The following ACAD10 variants were observed in gnomAD, a reference collection of about 807,000 sequenced individuals.
ACAD10 encodes the protein ACAD-10.
ACAD10 carries 112 observed loss-of-function variants against 116.8 expected under a neutral mutation model. The ratio of observed to expected loss-of-function variants is 0.96; its 90% confidence interval spans 0.82 to 1.12. The LOEUF is 1.12. Ranked by LOEUF, ACAD10 falls within the 50% of genes most tolerant of loss-of-function variation. The pLI, the probability that ACAD10 is intolerant of heterozygous loss-of-function variation, is 0.00. For synonymous variants in ACAD10, 486 were observed against 510.6 expected (o/e 0.95, Z 0.65); for missense variants, 1,259 against 1,350.2 (o/e 0.93, Z 1.06).
chr12:111,709,885 T>C, intron 5 of ACAD10: 1 of 605,230 alleles, frequency 1.7e-6, no homozygotes, highest in Non-Finnish European at 2.7e-6. Context: ...AAACAGGTAC[T>C]GCGAAGGCAG....
At chr12:111,738,779 G>A (rs1031581133) in intron 12 of ACAD10, among the ~76,000 whole-genome samples, 1 of 152,076 alleles carries the variant, frequency 6.6e-6, no homozygotes, top group African/African-American at 2.4e-5. Context: ...AGGCAGGAGA[G>A]AGAATCACTT....
chr12:111,718,209 C>G (rs1364059400), intron 7 of ACAD10, among the ~76,000 whole-genome samples: 1 of 151,850 alleles, frequency 6.6e-6, no homozygotes, highest in African/African-American at 2.4e-5. Flanking sequence ...GCCACCATGT[C>G]CAGCTAATTT....
At chr12:111,707,265 T>G (rs1051914155) in intron 4 of ACAD10, among the ~76,000 whole-genome samples, 9 of 150,094 alleles carry the variant, frequency 6.0e-5, no homozygotes, top group Non-Finnish European at 8.9e-5. Context: ...GTTTTTGTGT[T>G]TTTTATGAAT....
chr12:111,737,841 G>GGTGTGTGTGTGT (rs150399090), intron 12 of ACAD10, among the ~76,000 whole-genome samples: 1 of 146,396 alleles, frequency 6.8e-6, no homozygotes, highest in African/African-American at 2.5e-5. Flanking sequence ...CAAATTTCTT[G>GGTGTGTGTGTGT]GTGTGTGTGT....
chr12:111,699,490 G>A (rs1289663194), intron 2 of ACAD10, among the ~76,000 whole-genome samples: 2 of 151,930 alleles, frequency 1.3e-5, no homozygotes, highest in African/African-American at 4.8e-5. Context: ...GGTGTGGGGG[G>A]CATATACAAA....
chr12:111,730,716 C>A (rs1012099718), intron 10 of ACAD10, among the ~76,000 whole-genome samples: 14 of 151,686 alleles, frequency 9.2e-5, no homozygotes, highest in Non-Finnish European at 1.9e-4. Flanking sequence ...TTAAACAAGA[C>A]TAGACAGTGA....
rs957750690 is a variant in ACAD10, at chr12:111,748,410, C to T, written c.2579C>T (p.Pro860Leu). 3.7e-6 allele frequency: 6 copies of T among 1,614,092 alleles called. No individual in the cohort carries two copies. The highest frequency in any genetic ancestry group is 5.1e-6 in the Non-Finnish European group (6 of 1,180,034). The part of the protein sequence containing the change: ...RHRQQSVLLV[P>L]MDTPGIKIIR... ...CGGCAGCAGTCTGTGCTCTTGGTTCCCATGGATACCCCAGGGATAAAAATC... is the reference window on the plus strand; with the variant it reads ...CGGCAGCAGTCTGTGCTCTTGGTTCTCATGGATACCCCAGGGATAAAAATC... Residue 860 changes from proline (P) to leucine (L), a missense_variant, in exon 17 of 21, where the codon CCC (proline) becomes CTC (leucine). By Grantham distance (98) the Pro-to-Leu change is moderately conservative (BLOSUM62 -3). Transcript: ENST00000313698.
At chr12:111,695,436 T>G (rs111532343) in intron 2 of ACAD10, among the ~76,000 whole-genome samples, 7 of 152,302 alleles carry the variant, frequency 4.6e-5, no homozygotes, top group South Asian at 2.1e-4. Flanking sequence ...TGTTCCTGGA[T>G]AGCCAATTCC....
At chr12:111,743,809 C>T (rs1012350616) in intron 12 of ACAD10, among the ~76,000 whole-genome samples, 18 of 152,158 alleles carry the variant, frequency 1.2e-4, no homozygotes, top group Admixed American at 6.5e-4. Context: ...TGCAATGGCA[C>T]GATCTCGGCT....
At chr12:111,725,782 G>A (rs747044978) in intron 8 of ACAD10, among the ~76,000 whole-genome samples, 2 of 151,582 alleles carry the variant, frequency 1.3e-5, no homozygotes, top group Non-Finnish European at 2.9e-5. Context: ...TGATCCATCC[G>A]CCTCGGCCTC....
Position 111,729,878 on chromosome 12 carries a change from C to G in ACAD10, c.1316C>G (p.Ala439Gly), listed in dbSNP as rs770565944. The G allele has an allele frequency of 6.2e-7, 1 of 1,614,158 alleles. No individual in the cohort carries two copies. Residue 439 changes from alanine to glycine, a missense_variant, in exon 10 of 21, where the codon GCC (alanine) becomes GGC (glycine). Physicochemically the swap from Ala to Gly is moderately conservative, Grantham distance 60 (BLOSUM62 0). Coordinates refer to ENST00000313698, the MANE Select transcript of ACAD10 (RefSeq NM_025247.6). ...YRASETSTIPAMERLIEWLPL... is the reference protein window; with the variant it reads ...YRASETSTIPGMERLIEWLPL... Reference sequence around the variant, plus strand: ...GCTTCCGAAACTAGCACCATCCCAGCCATGGAGAGGCTGATCGAATGGCTG... The same window carrying G: ...GCTTCCGAAACTAGCACCATCCCAGGCATGGAGAGGCTGATCGAATGGCTG...
At chr12:111,722,973 C>G (rs889466158) in intron 8 of ACAD10, among the ~76,000 whole-genome samples, 27 of 150,754 alleles carry the variant, frequency 1.8e-4, no homozygotes, top group African/African-American at 6.3e-4. Context: ...CGGGCAGAGG[C>G]GCCCCTCACC....
chr12:111,742,481 CA>C (rs1432602529), intron 12 of ACAD10, among the ~76,000 whole-genome samples: 4 of 152,130 alleles, frequency 2.6e-5, no homozygotes, highest in Non-Finnish European at 5.9e-5. Flanking sequence ...TAACTCTCTG[CA>C]GGGTAGCAAA....
At chr12:111,712,941 G>T (rs1888729160) in intron 6 of ACAD10, among the ~76,000 whole-genome samples, 2 of 152,218 alleles carry the variant, frequency 1.3e-5, no homozygotes, top group Admixed American at 6.5e-5. Context: ...GGAACTTGGG[G>T]ACTGCAGTGT....
rs959008380 is a variant in ACAD10 at position 111,714,795 on chromosome 12, C to G, written c.851-1026C>G. 2.6e-5 allele frequency among the ~76,000 whole-genome samples: 4 copies of G among 152,086 alleles called. 1 individual carries two copies. The highest frequency in any genetic ancestry group is 2.6e-4 in the Admixed American group (4 of 15,270). On this transcript the variant is annotated intron_variant, in intron 6 of 20. Transcript: ENST00000313698. The stretch of plus-strand genomic sequence containing the variant: ...TGGCATGATCTCAGCTCACTGCAAC[C>G]TCCGCCTCTTGGGTTCTAGTGATTC...
intron 4 of ACAD10, among the ~76,000 whole-genome samples, chr12:111,708,993 A>G (rs1044194741): frequency 2.0e-5 from 3 of 152,126 alleles, no homozygotes; most frequent in African/African-American, 7.2e-5. Flanking sequence ...AACCTCTGAA[A>G]TAAACACTAA....
chr12:111,754,003 T>C, intron 19 of ACAD10, 88 bp downstream of exon 19: 3 of 1,464,276 alleles, frequency 2.0e-6, no homozygotes, highest in Non-Finnish European at 2.7e-6. Context: ...TTCTTGACAT[T>C]AGAAACTTTA....
chr12:111,693,227 T>C (rs993044529), intron 2 of ACAD10: 5 of 255,432 alleles, frequency 2.0e-5, no homozygotes, highest in Admixed American at 5.1e-5. Flanking sequence ...TGAGCTGCCA[T>C]GAATGCTGTG....
rs1390115952 is a variant in ACAD10, at chr12:111,729,957, G to C, written c.1394+1G>C. 1 of 1,613,078 alleles carries C rather than the reference G, an allele frequency of 6.2e-7. No individual in the cohort carries two copies. Among genetic ancestry groups the C allele is most frequent in the African/African-American group, 1.3e-5 (1 of 74,904 alleles). On this transcript the variant is annotated splice_donor_variant, in intron 10 of 20. Transcript: ENST00000313698. LOFTEE classifies it high-confidence loss of function. ...CCACAGTGGTGCACGGGGACTTCAG[G>C]TAGATGTGGTGGCAGGGAGAGCTGA...
Sources: allele counts gnomAD v4.1 joint callset (sites outside exome capture counted in the v4.1 genomes callset), GRCh38; gene constraint gnomAD v4.1.1; transcripts MANE v1.5; gene names NCBI Gene and HGNC (gene_info 2026-07-23, HGNC 2026-07-21).